Variants in MTPAP observed in about 807,000 individuals in gnomAD.
The protein encoded by MTPAP is poly(A) RNA polymerase, mitochondrial.
In MTPAP, 23 loss-of-function variants were observed where a neutral mutation model predicts 48.7. The ratio of observed to expected loss-of-function variants is 0.47; its 90% CI spans 0.34 to 0.67. The LOEUF (loss-of-function observed/expected upper bound fraction) is 0.67, where lower values mean the gene tolerates loss of function less well. MTPAP is among the 30% of genes least tolerant of loss of function. The probability of loss-of-function intolerance (pLI) is 0.01; values close to 1 mark genes in which losing one functional copy is unlikely to be tolerated. For missense variants in MTPAP, 614 were observed against 694.3 expected, an observed-to-expected ratio of 0.88 and a Z score of 1.30; for synonymous variants, 257 against 254.1, an observed-to-expected ratio of 1.01 and a Z score of -0.11.
intron 6 of MTPAP, among the ~76,000 whole-genome samples, chr10:30,322,131 C>CTAGGA (rs947865567): frequency 2.0e-5 from 3 of 152,168 alleles, no homozygotes; most frequent in African/African-American, 7.2e-5. Flanking sequence ...ACTTGGTCAA[C>CTAGGA]TAGGGGAGAA....
chr10:30,331,897 T>C (rs544538296), intron 4 of MTPAP, among the ~76,000 whole-genome samples: 6 of 152,316 alleles, frequency 3.9e-5, no homozygotes, highest in Admixed American at 3.9e-4. Context: ...CATTAGCAAA[T>C]AATTTTAGTC....
chr10:30,348,787 G>A (rs528190772), intron 1 of MTPAP: 50 of 351,364 alleles, frequency 1.4e-4, no homozygotes, highest in African/African-American at 1.0e-3. Context: ...TGGCTCAGGT[G>A]TGTAGCATTA....
intron 1 of MTPAP, among the ~76,000 whole-genome samples, chr10:30,346,759 G>A (rs569564458): frequency 1.2e-4 from 18 of 152,250 alleles, no homozygotes; most frequent in African/African-American, 4.3e-4. Flanking sequence ...ATGTGGTTGT[G>A]GTGGAACTGT....
chr10:30,325,070 GAAGCTAAATT>G (rs1344461002), intron 5 of MTPAP, among the ~76,000 whole-genome samples: 1 of 151,220 alleles, frequency 6.6e-6, no homozygotes, highest in Non-Finnish European at 1.5e-5. Context: ...GTATGAAAAT[GAAGCTAAATT>G]AAGCTAAAAA....
At chr10:30,329,856 T>C (rs1249850755) in intron 4 of MTPAP, among the ~76,000 whole-genome samples, 1 of 152,150 alleles carries the variant, frequency 6.6e-6, no homozygotes, top group Non-Finnish European at 1.5e-5. Context: ...ATGGAGTATT[T>C]TGCGGCCACT....
intron 8 of MTPAP, among the ~76,000 whole-genome samples, chr10:30,314,626 A>C (rs1840638126): frequency 6.6e-6 from 1 of 152,148 alleles, no homozygotes; most frequent in Non-Finnish European, 1.5e-5. Context: ...TAATCCAAGC[A>C]TTTTGGGAGG....
At chr10:30,347,419 G>A (rs1040243965) in intron 1 of MTPAP, among the ~76,000 whole-genome samples, 1 of 152,160 alleles carries the variant, frequency 6.6e-6, no homozygotes, top group African/African-American at 2.4e-5. Flanking sequence ...TGAGTATAAG[G>A]TGTACTTAAC....
At chr10:30,316,092 G>A in intron 7 of MTPAP, 26 bp downstream of exon 7, 1 of 1,608,396 alleles carries the variant, frequency 6.2e-7, no homozygotes, top group South Asian at 1.1e-5. Flanking sequence ...ATCCAGAAAG[G>A]ATCAAGTAAA....
In MTPAP at chr10:30,348,498, G is replaced by A. The variant is rs1564525613; in HGVS notation, c.157+621C>T. 3.3e-5 allele frequency among the ~76,000 whole-genome samples: 5 copies of A among 152,282 alleles called. No individual in the cohort carries two copies. The South Asian group carries it at 8.3e-4, about 25-fold the overall frequency. ...GAATACACAAGCTCTTGAGTCACAAGAGAGGTTCAATAACACTGGCTTCTC... is the reference window on the plus strand; with the variant it reads ...GAATACACAAGCTCTTGAGTCACAAAAGAGGTTCAATAACACTGGCTTCTC... On this transcript the variant is annotated intron_variant, in intron 1 of 8. Transcript: ENST00000263063.
At chr10:30,324,535 C>G (rs1238176972) in intron 5 of MTPAP, among the ~76,000 whole-genome samples, 2 of 151,782 alleles carry the variant, frequency 1.3e-5, no homozygotes, top group Non-Finnish European at 2.9e-5. Context: ...GCCTGGGCAA[C>G]AGAGAGAGAC....
At chr10:30,349,072 C>A (rs761784874) in intron 1 of MTPAP, 47 bp downstream of exon 1, 1 of 1,613,468 alleles carries the variant, frequency 6.2e-7, no homozygotes, top group Non-Finnish European at 8.5e-7. Context: ...ATCCCAGACT[C>A]CTCGCCCGCT....
At chr10:30,337,312 T>C (rs1484017104) in intron 3 of MTPAP, among the ~76,000 whole-genome samples, 3 of 152,068 alleles carry the variant, frequency 2.0e-5, no homozygotes, top group African/African-American at 4.8e-5. Flanking sequence ...TAATCCCAGC[T>C]ACTCAGGAGG....
chr10:30,314,874 A>T (rs1249486193), intron 8 of MTPAP, among the ~76,000 whole-genome samples: 1 of 107,094 alleles, frequency 9.3e-6, no homozygotes, highest in Non-Finnish European at 1.7e-5. Flanking sequence ...TCTGTCTCAA[A>T]AAACAAAAAC....
intron 6 of MTPAP, among the ~76,000 whole-genome samples, 181 bp from the exon 7 acceptor site, chr10:30,316,391 T>C (rs1840662703): frequency 6.6e-6 from 1 of 151,746 alleles, no homozygotes; most frequent in African/African-American, 2.4e-5. Flanking sequence ...TATAGGCACA[T>C]GCCCCCACGC....
At chr10:30,335,043 TAGAA>T (rs1392531417) in intron 4 of MTPAP, among the ~76,000 whole-genome samples, 5 of 152,354 alleles carry the variant, frequency 3.3e-5, no homozygotes, top group South Asian at 2.1e-4. Flanking sequence ...TGTAAGAACT[TAGAA>T]AGAACATTTG....
rs562595095 is a variant in MTPAP at position 30,329,939 on chromosome 10, C to T, written c.781-3304G>A. ...AAAAAAATGAAGTTAAAGTTATTAT[C>T]GGTAAAGATTATGTTCTGGGTTTTT... On this transcript the variant is annotated intron_variant, in intron 4 of 8. Coordinates refer to ENST00000263063, the MANE Select transcript of MTPAP (RefSeq NM_018109.4). 2.1e-3 allele frequency among the ~76,000 whole-genome samples: 325 copies of T among 151,332 alleles called. 1 individual carries two copies. Among genetic ancestry groups the T allele is most frequent in the African/African-American group, 7.3e-3 (300 of 41,212 alleles).
At position 30,322,302 on chromosome 10, in the gene MTPAP, C is replaced by T. The variant is rs113338057; in HGVS notation, c.1219+89G>A. On this transcript the variant is annotated intron_variant, in intron 6 of 8. Transcript: ENST00000263063. ...CAAGACAAATTTTATGACTAATAAACAAATAGACGGGACTTTGGTAACACA... is the reference window on the plus strand; with the variant it reads ...CAAGACAAATTTTATGACTAATAAATAAATAGACGGGACTTTGGTAACACA... The T allele has an allele frequency of 2.1e-3, 2,467 of 1,147,832 alleles. 47 individuals are homozygous for T. The African/African-American group carries it at 0.032, about 15-fold the overall frequency. The allele number at this position is 1,147,832 out of a possible 1,614,324, so 71.1% of individuals were successfully genotyped here.
Position 30,341,623 on chromosome 10 carries a change from G to T in MTPAP, c.175C>A (p.Pro59Thr). ...TGCATCTCAGAGAATCTCCTTTTGG[G>T]AATCTTGTCTTCAAAGCCTATGAAC... ...SVETGFEDKI[P>T]KRRFSEMQNE... The change falls in exon 2 of 9, where the codon CCC becomes ACC. Residue 59 changes from proline to threonine, a missense_variant. Pro to Thr is a conservative substitution (Grantham distance 38). Coordinates refer to ENST00000263063, the MANE Select transcript of MTPAP (RefSeq NM_018109.4). 6.2e-7 allele frequency: 1 copy of T among 1,613,934 alleles called. No individual in the cohort carries two copies. The highest frequency in any genetic ancestry group is 8.5e-7 in the Non-Finnish European group (1 of 1,179,982).
intron 4 of MTPAP, among the ~76,000 whole-genome samples, chr10:30,335,416 G>A (rs1352249041): frequency 6.6e-6 from 1 of 152,148 alleles, no homozygotes; most frequent in African/African-American, 2.4e-5. Flanking sequence ...AACTTGGAAG[G>A]CGGAAGTTGC....
Sources: allele counts gnomAD v4.1 joint callset (sites outside exome capture counted in the v4.1 genomes callset), GRCh38; gene constraint gnomAD v4.1.1; transcripts MANE v1.5; gene names NCBI Gene and HGNC (gene_info 2026-07-23, HGNC 2026-07-21).